Variants in ARHGEF4 observed in about 807,000 individuals in gnomAD.
ARHGEF4 encodes the protein APC-stimulated guanine nucleotide exchange factor 1.
In ARHGEF4, 119 loss-of-function variants were observed where a neutral mutation model predicts 162.0. The ratio of observed to expected loss-of-function variants is 0.73; its 90% CI spans 0.63 to 0.86. The LOEUF (loss-of-function observed/expected upper bound fraction) is 0.86. Ranked by LOEUF, ARHGEF4 falls within the 40% of genes least tolerant of loss-of-function variation. The pLI is 0.00. For missense variants in ARHGEF4, 2,488 were observed against 2,456.0 expected (o/e 1.01, Z -0.28); for synonymous variants, 1,014 against 979.9 (o/e 1.03, Z -0.65).
At chr2:130,869,352 A>T (rs72855907) in intron 1 of ARHGEF4, among the ~76,000 whole-genome samples, 3 of 152,096 alleles carry the variant, frequency 2.0e-5, no homozygotes, top group African/African-American at 7.2e-5. Context: ...TTGGAGCCGG[A>T]TAGATGTGGA....
chr2:130,938,684 T>A (rs1683107080), intron 3 of ARHGEF4, among the ~76,000 whole-genome samples: 1 of 152,184 alleles, frequency 6.6e-6, no homozygotes, highest in South Asian at 2.1e-4. Context: ...TCACCTAGTC[T>A]GTAGCTTGTT....
intron 4 of ARHGEF4, among the ~76,000 whole-genome samples, chr2:131,014,754 C>G (rs1174454835): frequency 6.6e-6 from 1 of 152,186 alleles, no homozygotes; most frequent in Non-Finnish European, 1.5e-5. Flanking sequence ...AAACAGATTT[C>G]TTGTAGGAGT....
intron 4 of ARHGEF4, among the ~76,000 whole-genome samples, chr2:130,997,046 G>A (rs1225263556): frequency 1.3e-5 from 2 of 152,122 alleles, no homozygotes; most frequent in Non-Finnish European, 2.9e-5. Flanking sequence ...CATAAAAATC[G>A]AGCAATCACT....
intron 4 of ARHGEF4, among the ~76,000 whole-genome samples, chr2:130,985,233 G>C (rs1670556171): frequency 6.6e-6 from 1 of 152,164 alleles, no homozygotes; most frequent in South Asian, 2.1e-4. Flanking sequence ...CTCGCTTCCA[G>C]CCAAAAGTGG....
chr2:130,932,309 CCTGAGTAGCTCTTCATCCATTT>C (rs1304040410), intron 3 of ARHGEF4, among the ~76,000 whole-genome samples: 3 of 152,178 alleles, frequency 2.0e-5, no homozygotes, highest in African/African-American at 7.2e-5. Context: ...TACATCCATT[CCTGAGTAGCTCTTCATCCATTT>C]CTGAGTAGCT....
At chr2:131,020,364 A>T (rs1210109730) in intron 4 of ARHGEF4, among the ~76,000 whole-genome samples, 1 of 106,834 alleles carries the variant, frequency 9.4e-6, no homozygotes, top group African/African-American at 3.7e-5. Flanking sequence ...AACAGGCCCC[A>T]GTGTGTGATG....
intron 1 of ARHGEF4, among the ~76,000 whole-genome samples, chr2:130,912,338 T>C (rs1394913993): frequency 1.3e-5 from 2 of 152,230 alleles, no homozygotes; most frequent in African/African-American, 2.4e-5. Flanking sequence ...TTCTCTCCTC[T>C]GGGACGTCCT....
chr2:131,023,054 A>T (rs2105357428), intron 4 of ARHGEF4, among the ~76,000 whole-genome samples: 1 of 112,856 alleles, frequency 8.9e-6, no homozygotes, highest in East Asian at 2.9e-4. Context: ...CAGCCTGGGC[A>T]ACATGGTGAA....
intron 1 of ARHGEF4, among the ~76,000 whole-genome samples, chr2:130,869,170 A>G (rs1019311802): frequency 6.6e-6 from 1 of 152,164 alleles, no homozygotes; most frequent in Admixed American, 6.5e-5. Context: ...CAGCTGTCAT[A>G]TTTGAGGCTT....
chr2:131,045,265 C>G, intron 12 of ARHGEF4, 104 bp from the exon 13 acceptor site: 1 of 1,108,664 alleles, frequency 9.0e-7, no homozygotes, highest in East Asian at 2.4e-5. Flanking sequence ...ACTGAGTCCC[C>G]AGTACATGAT....
At chr2:130,975,327 T>C (rs756923379) in intron 4 of ARHGEF4, among the ~76,000 whole-genome samples, 2 of 152,146 alleles carry the variant, frequency 1.3e-5, no homozygotes, top group African/African-American at 2.4e-5. Flanking sequence ...GGCTAGCTAA[T>C]TCCTAGAGAC....
intron 5 of ARHGEF4, chr2:131,034,907 G>A (rs1690127130): frequency 1.1e-6 from 1 of 905,506 alleles, no homozygotes; most frequent in Non-Finnish European, 1.3e-6. Flanking sequence ...CCGCACAGCC[G>A]GCTTGGTTGC....
chr2:131,043,644 G>T (rs1275573591), intron 11 of ARHGEF4, 61 bp downstream of exon 11: 3 of 1,609,454 alleles, frequency 1.9e-6, no homozygotes, highest in Middle Eastern at 1.7e-4. Flanking sequence ...GGGAGCTGAG[G>T]GCTGGGAGCA....
At chr2:130,966,652 G>A (rs1685022757) in intron 4 of ARHGEF4, among the ~76,000 whole-genome samples, 1 of 152,240 alleles carries the variant, frequency 6.6e-6, no homozygotes, top group African/African-American at 2.4e-5. Flanking sequence ...GTCTGTGCCA[G>A]CGAGGACGGG....
intron 2 of ARHGEF4, among the ~76,000 whole-genome samples, chr2:130,918,793 ATC>A: frequency 1.3e-5 from 2 of 152,334 alleles, no homozygotes. Flanking sequence ...CTGTTTGTGT[ATC>A]TCTACGCAGT....
At chr2:131,045,598 A>G (rs552002042) in intron 13 of ARHGEF4, 152 bp downstream of exon 13, 3 of 1,583,992 alleles carry the variant, frequency 1.9e-6, no homozygotes, top group East Asian at 2.3e-5. Context: ...AAGGTTGGTA[A>G]TAAGGGGCCA....
chr2:131,039,781 A>C (rs1487812098), intron 6 of ARHGEF4: 2 of 1,395,064 alleles, frequency 1.4e-6, no homozygotes, highest in East Asian at 2.8e-5. Flanking sequence ...TCTAGGAAGG[A>C]GGCCAAATCG....
chr2:130,946,784 G>T (rs1683649723), intron 4 of ARHGEF4, 149 bp downstream of exon 4: 3 of 1,117,660 alleles, frequency 2.7e-6, no homozygotes, highest in East Asian at 2.6e-5. Flanking sequence ...CCTTCAGTTA[G>T]GGAGGAGTGC....
intron 1 of ARHGEF4, among the ~76,000 whole-genome samples, chr2:130,838,091 C>T (rs1487366411): frequency 6.6e-6 from 1 of 152,210 alleles, no homozygotes; most frequent in African/African-American, 2.4e-5. Context: ...TGGAGAGGGC[C>T]GGACAGCCGG....
Sources: gnomAD v4.1 joint callset for allele counts (sites outside exome capture counted in the v4.1 genomes callset) on GRCh38, gnomAD v4.1.1 for gene constraint, MANE v1.5 for transcripts, NCBI Gene and HGNC (gene_info 2026-07-23, HGNC 2026-07-21) for gene names.